The following EFNB2 variants were observed in gnomAD, a reference collection of about 807,000 sequenced individuals.
EFNB2 encodes the protein ephrin B2.
EFNB2 carries 5 observed loss-of-function variants against 32.1 expected under a neutral mutation model. The ratio of observed to expected loss-of-function variants is 0.16; its 90% CI spans 0.08 to 0.33. EFNB2 has a LOEUF of 0.33. EFNB2 is among the 10% of genes least tolerant of loss of function. The pLI is 1.00. For synonymous variants in EFNB2, 168 were observed against 166.5 expected, an observed-to-expected ratio of 1.01 and a Z score of -0.07; for missense variants, 263 against 422.6, an observed-to-expected ratio of 0.62 and a Z score of 3.31.
At chr13:106,514,995 T>A (rs1216310907) in intron 1 of EFNB2, among the ~76,000 whole-genome samples, 1 of 152,154 alleles carries the variant, frequency 6.6e-6, no homozygotes, top group Non-Finnish European at 1.5e-5. Context: ...CTCACTAAGC[T>A]CCTTCTTCAT....
chr13:106,532,828 G>A (rs948474304), intron 1 of EFNB2, among the ~76,000 whole-genome samples: 1 of 151,544 alleles, frequency 6.6e-6, no homozygotes, highest in Non-Finnish European at 1.5e-5. Flanking sequence ...AGAATGGGGG[G>A]GGGGAGTGGT....
At chr13:106,523,567 T>C (rs1879605830) in intron 1 of EFNB2, among the ~76,000 whole-genome samples, 1 of 152,108 alleles carries the variant, frequency 6.6e-6, no homozygotes, top group South Asian at 2.1e-4. Context: ...GGCTGCATGG[T>C]CTCCAGGTAA....
chr13:106,507,435 A>G (rs1300641988), intron 2 of EFNB2, among the ~76,000 whole-genome samples: 1 of 152,194 alleles, frequency 6.6e-6, no homozygotes, highest in Non-Finnish European at 1.5e-5. Context: ...AGCAGAGAAG[A>G]AAACAAATAT....
At chr13:106,521,167 G>C (rs1156476273) in intron 1 of EFNB2, 1 of 146,196 alleles carries the variant, frequency 6.8e-6, no homozygotes, top group African/African-American at 2.6e-5. Flanking sequence ...GGGTCTAAGA[G>C]CAGGCTATAC....
chr13:106,525,826 G>C (rs1879681341), intron 1 of EFNB2, among the ~76,000 whole-genome samples: 1 of 152,156 alleles, frequency 6.6e-6, no homozygotes, highest in South Asian at 2.1e-4. Flanking sequence ...TTAGAGCCGA[G>C]TAACAGGCCT....
At chr13:106,512,396 G>GGC in intron 2 of EFNB2, 133 bp downstream of exon 2, 1 of 585,638 alleles carries the variant, frequency 1.7e-6, no homozygotes, top group Non-Finnish European at 2.5e-6. Flanking sequence ...AAAAAAAGGG[G>GGC]GGGGGGACAA....
chr13:106,515,470 C>T (rs1879282338), intron 1 of EFNB2, among the ~76,000 whole-genome samples: 1 of 152,140 alleles, frequency 6.6e-6, no homozygotes, highest in African/African-American at 2.4e-5. Flanking sequence ...TGACAAAGCT[C>T]ACTATTCCTG....
chr13:106,509,598 C>A (rs1048599178), intron 2 of EFNB2, among the ~76,000 whole-genome samples: 1 of 148,830 alleles, frequency 6.7e-6, no homozygotes, highest in African/African-American at 2.5e-5. Flanking sequence ...AAACACTTTC[C>A]TTCTCAAAAA....
intron 1 of EFNB2, among the ~76,000 whole-genome samples, chr13:106,531,970 G>A (rs1016044584): frequency 4.7e-5 from 7 of 150,432 alleles, no homozygotes; most frequent in African/African-American, 1.7e-4. Flanking sequence ...ACTTTACTTA[G>A]GCCAAAATCT....
intron 1 of EFNB2, among the ~76,000 whole-genome samples, chr13:106,532,405 T>G (rs184440459): frequency 2.0e-5 from 3 of 152,208 alleles, no homozygotes; most frequent in Non-Finnish European, 4.4e-5. Context: ...CCACAGTTCA[T>G]AGGAACTGAT....
chr13:106,505,678 G>A (rs550881633), intron 2 of EFNB2, among the ~76,000 whole-genome samples: 1 of 152,290 alleles, frequency 6.6e-6, no homozygotes, highest in African/African-American at 2.4e-5. Flanking sequence ...CCTGATGAAT[G>A]TTTAAAGGTT....
At position 106,517,332 on chromosome 13, in the gene EFNB2, G is replaced by A. The variant is rs1182618125; in HGVS notation, c.123-4520C>T. The A allele has an allele frequency of 3.3e-5, 5 of 152,198 alleles. No individual in the cohort carries two copies. The East Asian group carries it at 9.6e-4, about 29-fold the overall frequency. 9.4% of individuals were successfully genotyped at this position (152,198 alleles called of 1,614,324 possible). A position where few individuals can be genotyped will look rare whatever the true frequency, so the allele number is the denominator to read the frequency against. The stretch of plus-strand genomic sequence containing the variant: ...AACCCATACCACATGGGGGGAGGCT[G>A]TTCTTGTTAAACTTCGCCCAGACAG... On this transcript the variant is annotated intron_variant, in intron 1 of 4. Coordinates refer to ENST00000646441, the MANE Select transcript of EFNB2 (RefSeq NM_004093.4).
Position 106,490,621 on chromosome 13 carries a change from C to T in EFNB2, c.*2419G>A, listed in dbSNP as rs979518125. On this transcript the variant is annotated 3_prime_UTR_variant, in exon 5 of 5. Coordinates refer to ENST00000646441, the MANE Select transcript of EFNB2 (RefSeq NM_004093.4). Reference sequence around the variant, plus strand: ...CCCCTCTCCCCCATCCTAAAAGTAACTTCTGATGGCTTACAAGAAACTCTT... The same window carrying T: ...CCCCTCTCCCCCATCCTAAAAGTAATTTCTGATGGCTTACAAGAAACTCTT... 1 of 152,008 alleles carries T rather than the reference C, an allele frequency of 6.6e-6. No individual in the cohort carries two copies. Among genetic ancestry groups the T allele is most frequent in the Non-Finnish European group, 1.5e-5 (1 of 68,010 alleles). 9.4% of individuals were successfully genotyped at this position (152,008 alleles called of 1,614,324 possible). A position where few individuals can be genotyped will look rare whatever the true frequency, so the allele number is the denominator to read the frequency against.
chr13:106,508,595 T>C (rs537904781), intron 2 of EFNB2, among the ~76,000 whole-genome samples: 1 of 152,180 alleles, frequency 6.6e-6, no homozygotes, highest in African/African-American at 2.4e-5. Context: ...CATATACAGA[T>C]GCTCCATGAC....
chr13:106,494,597 A>G (rs935113827), intron 4 of EFNB2, among the ~76,000 whole-genome samples: 5 of 152,248 alleles, frequency 3.3e-5, no homozygotes, highest in Non-Finnish European at 7.3e-5. Context: ...GCTTGATAAA[A>G]TGTCAGCCAA....
intron 2 of EFNB2, among the ~76,000 whole-genome samples, chr13:106,511,269 C>A (rs1879134808): frequency 1.3e-5 from 2 of 152,168 alleles, no homozygotes; most frequent in Admixed American, 1.3e-4. Context: ...TCTTGGTAAG[C>A]TACTCTATGT....
In EFNB2 at chr13:106,535,533, A is replaced by AG. The variant is rs1486736197; in HGVS notation, c.-570dup. ...GCTCCCGGCCCCCAGGGCAGGAAAG[A>AG]GGGAGCTCGGTCCCCGCCGCGGGCT... is the stretch of plus-strand genomic sequence containing the variant. On this transcript the variant is annotated 5_prime_UTR_variant, in exon 1 of 5. Transcript: ENST00000646441. 6.7e-6 allele frequency: 1 copy of AG among 148,760 alleles called. No individual in the cohort carries two copies. The highest frequency in any genetic ancestry group is 1.5e-5 in the Non-Finnish European group (1 of 66,878). The allele number at this position is 148,760 out of a possible 1,614,324, so 9.2% of individuals were successfully genotyped here.
At chr13:106,509,778 A>C (rs987281716) in intron 2 of EFNB2, 2 of 152,152 alleles carry the variant, frequency 1.3e-5, no homozygotes, top group African/African-American at 4.8e-5. Context: ...TTCTAAAACT[A>C]TTTTAACATT....
At chr13:106,532,080 A>T (rs1879893914) in intron 1 of EFNB2, among the ~76,000 whole-genome samples, 2 of 33,308 alleles carry the variant, frequency 6.0e-5, no homozygotes, top group African/African-American at 1.1e-4. Flanking sequence ...AAAAAAAACC[A>T]AAACTTTAAA....
Sources: allele counts gnomAD v4.1 joint callset (sites outside exome capture counted in the v4.1 genomes callset), GRCh38; gene constraint gnomAD v4.1.1; transcripts MANE v1.5; gene names NCBI Gene and HGNC (gene_info 2026-07-23, HGNC 2026-07-21).